The following RRN3 variants were observed in gnomAD, a reference collection of about 807,000 sequenced individuals.
RRN3 encodes the protein RNA polymerase I-specific transcription initiation factor RRN3.
In RRN3, 38 loss-of-function variants were observed where a neutral mutation model predicts 82.3. That is an observed-to-expected ratio of 0.46 (90% CI 0.36 to 0.61). The LOEUF is 0.61. RRN3 is among the 20% of genes least tolerant of loss of function. The pLI, the probability that RRN3 is intolerant of heterozygous loss-of-function variation, is 0.00. For missense variants in RRN3, 726 were observed against 793.1 expected (o/e 0.92, Z 1.02); for synonymous variants, 284 against 284.3 (o/e 1.00, Z 0.01).
intron 17 of RRN3, among the ~76,000 whole-genome samples, chr16:15,062,444 T>C (rs1597862350): frequency 2.0e-5 from 3 of 152,320 alleles, no homozygotes; most frequent in South Asian, 4.1e-4. Context: ...AAAAGCCATC[T>C]TGAAGCTGCT....
chr16:15,074,807 G>GCATCT lies in RRN3; in HGVS notation c.912_913insAGATG (p.Gln305ArgfsTer8). On this transcript the variant is annotated frameshift_variant, in exon 11 of 18. Transcript: ENST00000198767. LOFTEE classifies it high-confidence loss of function. ...CGCTCGGCTACAGGATGCACCATCT[G>GCATCT]GTCGAGCCGTTCAGGACCAGCCTTT... The GCATCT allele has an allele frequency of 6.2e-7, 1 of 1,613,904 alleles. No individual in the cohort carries two copies. Among genetic ancestry groups the GCATCT allele is most frequent in the Non-Finnish European group, 8.5e-7 (1 of 1,179,922 alleles).
At chr16:15,071,815 C>A (rs1376962607) in intron 12 of RRN3, among the ~76,000 whole-genome samples, 1 of 152,062 alleles carries the variant, frequency 6.6e-6, no homozygotes, top group African/African-American at 2.4e-5. Flanking sequence ...CTGGGAGGTA[C>A]AAATTCAATA....
intron 1 of RRN3, among the ~76,000 whole-genome samples, chr16:15,093,559 T>A (rs999046166): frequency 1.3e-5 from 2 of 152,168 alleles, no homozygotes; most frequent in Admixed American, 6.5e-5. Context: ...AGCTCGATAA[T>A]TATTATGAAT....
chr16:15,083,820 G>A (rs1408000086), intron 7 of RRN3: 12 of 404,378 alleles, frequency 3.0e-5, no homozygotes, highest in African/African-American at 4.2e-5. Flanking sequence ...AGGTTCAAGC[G>A]ATTCTCCTGC....
At chr16:15,064,792 T>A (rs2044886750) in intron 16 of RRN3, among the ~76,000 whole-genome samples, 1 of 152,142 alleles carries the variant, frequency 6.6e-6, no homozygotes, top group South Asian at 2.1e-4. Flanking sequence ...CACGAGATGC[T>A]CATCAACAGC....
chr16:15,079,655 C>T (rs1031669009), intron 9 of RRN3, among the ~76,000 whole-genome samples: 6 of 151,464 alleles, frequency 4.0e-5, no homozygotes, highest in Non-Finnish European at 5.9e-5. Context: ...TGCAGTGGCA[C>T]GATCTCAGCT....
At chr16:15,065,493 A>G in intron 15 of RRN3, 122 bp from the exon 16 acceptor site, 3 of 717,676 alleles carry the variant, frequency 4.2e-6, no homozygotes, top group Non-Finnish European at 6.8e-6. Flanking sequence ...AACAAGTGCT[A>G]GTAAAAATAA....
At chr16:15,087,747 A>C (rs2151818019) in intron 3 of RRN3, among the ~76,000 whole-genome samples, 1 of 152,348 alleles carries the variant, frequency 6.6e-6, no homozygotes. Context: ...AAATAAAATA[A>C]ACTATCCTAT....
intron 3 of RRN3, among the ~76,000 whole-genome samples, chr16:15,086,799 T>C (rs554732954): frequency 6.6e-6 from 1 of 152,256 alleles, no homozygotes; most frequent in African/African-American, 2.4e-5. Context: ...TATTAGAAGA[T>C]CACAAAGGAA....
intron 17 of RRN3, among the ~76,000 whole-genome samples, 164 bp downstream of exon 17, chr16:15,063,032 C>G (rs2044778036): frequency 6.6e-6 from 1 of 152,174 alleles, no homozygotes; most frequent in South Asian, 2.1e-4. Flanking sequence ...TTTGTAGAAA[C>G]AGGGTGTCAC....
intron 8 of RRN3, among the ~76,000 whole-genome samples, chr16:15,080,984 CTTTCA>C (rs1197681886): frequency 1.3e-5 from 2 of 152,112 alleles, no homozygotes; most frequent in Non-Finnish European, 2.9e-5. Flanking sequence ...TAAACCATTC[CTTTCA>C]TATCAATGGA....
rs1035797295 is a variant in RRN3, at chr16:15,083,655, T to C, written c.597-73A>G. ...AAAGGAATAAAAAGGAAAACTACCA[T>C]TCTAAAAGCAAATATTGATAGACAT... On this transcript the variant is annotated intron_variant, in intron 7 of 17. Coordinates refer to ENST00000198767, the MANE Select transcript of RRN3 (RefSeq NM_018427.5). The C allele has an allele frequency of 3.9e-4, 616 of 1,567,358 alleles. 1 individual carries two copies. The highest frequency in any genetic ancestry group is 5.1e-4 in the Non-Finnish European group (592 of 1,153,776).
chr16:15,091,459 A>G, intron 2 of RRN3, 88 bp from the exon 3 acceptor site: 1 of 844,216 alleles, frequency 1.2e-6, no homozygotes, highest in Non-Finnish European at 1.8e-6. Context: ...TTAACATCAG[A>G]TGAAATTATA....
At chr16:15,081,276 C>T (rs1014382472) in intron 8 of RRN3, among the ~76,000 whole-genome samples, 7 of 152,100 alleles carry the variant, frequency 4.6e-5, no homozygotes, top group African/African-American at 1.4e-4. Flanking sequence ...TACATTTAAC[C>T]TTGAAGAAAT....
chr16:15,086,357 G>C lies in RRN3; in HGVS notation c.342+8C>G, dbSNP rs369173018. 3.7e-6 allele frequency: 6 copies of C among 1,613,434 alleles called. No individual in the cohort carries two copies. The highest frequency in any genetic ancestry group is 5.1e-6 in the Non-Finnish European group (6 of 1,179,554). The stretch of plus-strand genomic sequence containing the variant: ...CATACTTTACAGTAAAATAAATGGT[G>C]AACTTACTAATATAATACTGATAAG... On this transcript the variant is annotated splice_region_variant and intron_variant, in intron 4 of 17. Coordinates refer to ENST00000198767, the MANE Select transcript of RRN3 (RefSeq NM_018427.5).
Position 15,065,320 on chromosome 16 carries a change from C to G in RRN3, c.1605G>C (p.Gln535His). 1 of 1,613,804 alleles carries G rather than the reference C, an allele frequency of 6.2e-7. No homozygotes were observed. Among genetic ancestry groups the G allele is most frequent in the Non-Finnish European group, 8.5e-7 (1 of 1,179,768 alleles). The change falls in exon 16 of 18, where the codon CAG (glutamine) becomes CAC (histidine). Residue 535 changes from glutamine to histidine, a missense_variant. This residue lies in a region of RRN3 where 166 missense variants were observed against 154.8 expected (regional missense o/e 1.07). Coordinates refer to ENST00000198767, the MANE Select transcript of RRN3 (RefSeq NM_018427.5). ...CYTIIERNNR[Q>H]MLPVIRSTAG... Reference sequence around the variant, plus strand: ...CGGTACTCCTAATGACTGGCAGCATCTGGCGATTGTTCCTCTCAATGATGG... The same window carrying G: ...CGGTACTCCTAATGACTGGCAGCATGTGGCGATTGTTCCTCTCAATGATGG...
chr16:15,074,787 G>C lies in RRN3; in HGVS notation c.933C>G (p.Ala311=). ...AAGACATCAGGATGTCCAGGCGCTCGGCTACAGGATGCACCATCTGGTCGA... is the reference window on the plus strand; with the variant it reads ...AAGACATCAGGATGTCCAGGCGCTCCGCTACAGGATGCACCATCTGGTCGA... ...ERLDQMVHPV[A]ERLDILMSLV... is the part of the protein sequence containing the mutation. The change falls in exon 11 of 18, where the codon GCC becomes GCG. Residue 311 remains alanine, a synonymous_variant. Transcript: ENST00000198767. The C allele has an allele frequency of 1.2e-6, 2 of 1,614,016 alleles. No homozygotes were observed. Among genetic ancestry groups the C allele is most frequent in the Non-Finnish European group, 1.7e-6 (2 of 1,180,020 alleles).
intron 16 of RRN3, 70 bp downstream of exon 16, chr16:15,065,149 G>A (rs867625351): frequency 6.8e-7 from 1 of 1,479,580 alleles, no homozygotes; most frequent in African/African-American, 1.4e-5. Flanking sequence ...CTGGGCGACA[G>A]AGTGAGACTC....
At chr16:15,067,186 C>T (rs901886412) in intron 15 of RRN3, among the ~76,000 whole-genome samples, 4 of 151,850 alleles carry the variant, frequency 2.6e-5, no homozygotes, top group African/African-American at 9.7e-5. Flanking sequence ...AAGAGGCTGA[C>T]GGAGCTCAGC....
Sources: gnomAD v4.1 joint callset for allele counts (sites outside exome capture counted in the v4.1 genomes callset) on GRCh38, gnomAD v4.1.1 for gene constraint, gnomAD v4.1.1 regional missense constraint, MANE v1.5 for transcripts, NCBI Gene and HGNC (gene_info 2026-07-23, HGNC 2026-07-21) for gene names.